The following IRAK1BP1 variants were observed in gnomAD, a reference collection of about 807,000 sequenced individuals.
The protein encoded by IRAK1BP1 is interleukin-1 receptor-associated kinase 1-binding protein 1.
A neutral mutation model predicts 28.0 loss-of-function variants in IRAK1BP1; 24 were observed. The ratio of observed to expected loss-of-function variants is 0.86; its 90% CI spans 0.62 to 1.20. IRAK1BP1 has a LOEUF of 1.20. Ranked by LOEUF, IRAK1BP1 falls within the 50% of genes most tolerant of loss-of-function variation. IRAK1BP1 has a pLI of 0.00. For missense variants in IRAK1BP1, 336 were observed against 316.7 expected (o/e 1.06, Z -0.46); for synonymous variants, 131 against 116.3 (o/e 1.13, Z -0.81).
At chr6:78,964,225 A>T in the IRAK1BP1 span, among the ~76,000 whole-genome samples, 97 of 150,238 alleles carry the variant, frequency 6.5e-4, 1 homozygote, top group South Asian at 8.2e-3. Flanking sequence ...CAGTGAGATA[A>T]AAAAAAATAT....
chr6:78,944,956 A>C (rs1382905919), intron 4 of IRAK1BP1, among the ~76,000 whole-genome samples: 1 of 140,288 alleles, frequency 7.1e-6, no homozygotes, highest in Non-Finnish European at 1.6e-5. Context: ...TTATTTAGTA[A>C]AAGTCAGTCT....
intron 4 of IRAK1BP1, among the ~76,000 whole-genome samples, chr6:78,923,269 A>C (rs1220509638): frequency 6.6e-6 from 1 of 152,138 alleles, no homozygotes; most frequent in Non-Finnish European, 1.5e-5. Context: ...CAGGGGTTTC[A>C]ATCCTAGATT....
At chr6:78,913,676 C>A (rs778520285) in intron 4 of IRAK1BP1, among the ~76,000 whole-genome samples, 5 of 152,072 alleles carry the variant, frequency 3.3e-5, no homozygotes, top group Non-Finnish European at 7.4e-5. Context: ...AAGATGACTG[C>A]ATCTTTAAAA....
At chr6:78,893,280 ATGTGTGTATATATGTGTG>A (rs1228978584) in intron 2 of IRAK1BP1, among the ~76,000 whole-genome samples, 4 of 114,586 alleles carry the variant, frequency 3.5e-5, no homozygotes, top group Non-Finnish European at 5.6e-5. Context: ...GTGTATATAT[ATGTGTGTATATATGTGTG>A]TGTGTGTGTG....
chr6:78,915,279 C>G (rs993711883), intron 4 of IRAK1BP1, among the ~76,000 whole-genome samples: 1 of 152,178 alleles, frequency 6.6e-6, no homozygotes, highest in African/African-American at 2.4e-5. Context: ...CAAAGACTGT[C>G]AGCATTTCTA....
chr6:78,897,256 T>TGAA (rs1554189176), intron 2 of IRAK1BP1, among the ~76,000 whole-genome samples: 1 of 111,002 alleles, frequency 9.0e-6, no homozygotes, highest in African/African-American at 3.5e-5. Flanking sequence ...TTGTCTCTCT[T>TGAA]AAAAAAAAAA....
the IRAK1BP1 span, among the ~76,000 whole-genome samples, chr6:78,973,443 T>C: frequency 4.7e-4 from 65 of 138,932 alleles, no homozygotes; most frequent in South Asian, 5.4e-3. Flanking sequence ...GTAAAGACCA[T>C]CGAGACTAGG....
the IRAK1BP1 span, among the ~76,000 whole-genome samples, chr6:78,968,741 T>G: frequency 2.0e-5 from 3 of 152,346 alleles, no homozygotes; most frequent in African/African-American, 7.2e-5. Flanking sequence ...AAATTAATAA[T>G]TGCTTCATTT....
Position 78,897,834 on chromosome 6 carries a change from C to A in IRAK1BP1, c.387C>A (p.Cys129Ter), listed in dbSNP as rs187608910. The A allele has an allele frequency of 5.0e-6, 8 of 1,611,770 alleles. No homozygotes were observed. The highest frequency in any genetic ancestry group is 1.7e-4 in the Middle Eastern group (1 of 6,052). Residue 129 changes from cysteine (C) to a stop codon, truncating the protein, a stop_gained, in exon 3 of 4, where the codon TGC becomes TGA. Coordinates refer to ENST00000369940, the MANE Select transcript of IRAK1BP1 (RefSeq NM_001010844.4). LOFTEE classifies it high-confidence loss of function. ...ENAYHMEAEV[C>*]ITFTEFGKMQ... ...TCGTGTCATTTCATTTACAGGTCTG[C>A]ATTACATTTACTGAATTTGGAAAAA...
chr6:78,927,681 T>A (rs1220138261), intron 4 of IRAK1BP1, among the ~76,000 whole-genome samples: 6 of 152,176 alleles, frequency 3.9e-5, no homozygotes, highest in African/African-American at 1.4e-4. Flanking sequence ...TAGATTTAAG[T>A]CTTTAATGCA....
At chr6:78,962,512 T>C in the IRAK1BP1 span, among the ~76,000 whole-genome samples, 6 of 152,256 alleles carry the variant, frequency 3.9e-5, no homozygotes, top group African/African-American at 7.2e-5. Context: ...CTCTTCTTAC[T>C]CATGTTAATT....
chr6:78,917,684 A>G (rs1772597803), intron 4 of IRAK1BP1, among the ~76,000 whole-genome samples: 2 of 151,596 alleles, frequency 1.3e-5, no homozygotes, highest in African/African-American at 2.4e-5. Flanking sequence ...GAAAAAGGTC[A>G]GATACATACA....
chr6:78,946,668 A>G (rs764453972), downstream of IRAK1BP1: 3 of 1,491,162 alleles, frequency 2.0e-6, no homozygotes, highest in Non-Finnish European at 2.7e-6. Flanking sequence ...CATTTAGATG[A>G]AAGTTATAGA....
At chr6:78,974,364 C>T in the IRAK1BP1 span, among the ~76,000 whole-genome samples, 15 of 151,620 alleles carry the variant, frequency 9.9e-5, no homozygotes, top group African/African-American at 3.4e-4. Context: ...ATCTCTGGGA[C>T]GCATTCAAAG....
In IRAK1BP1 at chr6:78,878,159, C is replaced by T. The variant is rs375590644; in HGVS notation, c.316-7219C>T. On this transcript the variant is annotated intron_variant, in intron 1 of 3. Coordinates refer to ENST00000369940, the MANE Select transcript of IRAK1BP1 (RefSeq NM_001010844.4). ...GAAGAGAGTAGTGGTTCTCCCAGCA[C>T]GGAGTTTGAGATCTGAGAACGGACA... Among the ~76,000 whole-genome samples, 87 of 152,246 alleles carry T rather than the reference C, an allele frequency of 5.7e-4. 1 individual carries two copies. In the South Asian group the frequency reaches 0.012, roughly 21 times the overall value.
At chr6:78,942,016 C>CAGT (rs139088363) in intron 4 of IRAK1BP1, among the ~76,000 whole-genome samples, 5,824 of 152,204 alleles carry the variant, frequency 0.038, 161 homozygotes, top group Admixed American at 0.081. Flanking sequence ...CAGGAACTAC[C>CAGT]AGTAACTAAC....
chr6:78,945,626 A>T (rs1773770934), exon 5 of IRAK1BP1: 2 of 665,754 alleles, frequency 3.0e-6, no homozygotes, highest in South Asian at 3.9e-5. Flanking sequence ...TTTCTTAGGA[A>T]AGCTACTTTC....
chr6:78,953,574 A>G, the IRAK1BP1 span, among the ~76,000 whole-genome samples: 12 of 152,208 alleles, frequency 7.9e-5, no homozygotes, highest in Non-Finnish European at 1.8e-4. Flanking sequence ...TTGAAAGGTG[A>G]GGTTCTAATT....
intron 2 of IRAK1BP1, 33 bp downstream of exon 2, chr6:78,885,476 G>T: frequency 1.9e-6 from 2 of 1,066,788 alleles, no homozygotes; most frequent in Middle Eastern, 2.0e-4. Context: ...GAAGCAGCAT[G>T]ATTTTGTGGA....
Sources: allele counts gnomAD v4.1 joint callset (sites outside exome capture counted in the v4.1 genomes callset), GRCh38; gene constraint gnomAD v4.1.1; transcripts MANE v1.5; gene names NCBI Gene and HGNC (gene_info 2026-07-23, HGNC 2026-07-21).